The following DTWD2 variants were observed in gnomAD, a reference collection of about 807,000 sequenced individuals.
The protein encoded by DTWD2 is DTW motif tRNA-uridine aminocarboxypropyltransferase 2.
A neutral mutation model predicts 31.8 loss-of-function variants in DTWD2; 39 were observed. That is an observed-to-expected ratio of 1.22 (90% CI 0.95 to 1.60). DTWD2 has a LOEUF of 1.60. Ranked by LOEUF, DTWD2 falls within the 40% of genes most tolerant of loss-of-function variation. DTWD2 has a pLI of 0.00. For missense variants in DTWD2, 515 were observed against 381.5 expected, an observed-to-expected ratio of 1.35 and a Z score of -2.92; for synonymous variants, 180 against 142.8, an observed-to-expected ratio of 1.26 and a Z score of -1.86.
chr5:118,896,947 A>C (rs942849435), intron 4 of DTWD2, among the ~76,000 whole-genome samples: 6 of 152,336 alleles, frequency 3.9e-5, no homozygotes, highest in Non-Finnish European at 8.8e-5. Flanking sequence ...ACCACCAAGT[A>C]ACCTCTATGG....
intron 4 of DTWD2, among the ~76,000 whole-genome samples, chr5:118,856,616 A>G (rs915990637): frequency 1.3e-5 from 2 of 152,156 alleles, no homozygotes; most frequent in African/African-American, 4.8e-5. Context: ...GTTCTGAATA[A>G]GAGTTCCGTC....
intron 4 of DTWD2, among the ~76,000 whole-genome samples, chr5:118,876,582 C>T (rs1203635854): frequency 6.6e-6 from 1 of 152,152 alleles, no homozygotes; most frequent in Non-Finnish European, 1.5e-5. Flanking sequence ...GTACAAACAA[C>T]TATCACAGAG....
intron 4 of DTWD2, among the ~76,000 whole-genome samples, chr5:118,891,251 AT>A (rs564149852): frequency 1.1e-4 from 16 of 149,628 alleles, no homozygotes; most frequent in South Asian, 2.1e-4. Flanking sequence ...AAGGTCAAGT[AT>A]TTTTTTTTTA....
At chr5:118,970,317 C>T (rs1396708412) in intron 1 of DTWD2, among the ~76,000 whole-genome samples, 2 of 152,328 alleles carry the variant, frequency 1.3e-5, no homozygotes, top group East Asian at 1.9e-4. Flanking sequence ...ATTCCAGCTA[C>T]TCAGGAGGCT....
rs372186629 is a variant in DTWD2 at position 118,848,085 on chromosome 5, C to A, written c.726+5G>T. ...TTGAAAAACTATAACCTTACAAAGA[C>A]GTACCTCTTGTATGTAATTATTTTT... On this transcript the variant is annotated splice_donor_5th_base_variant and intron_variant, in intron 5 of 5. Coordinates refer to ENST00000510708, the MANE Select transcript of DTWD2 (RefSeq NM_173666.4). The A allele has an allele frequency of 3.2e-6, 5 of 1,550,406 alleles. No homozygotes were observed. In the Admixed American group the frequency reaches 1.0e-4, roughly 32 times the overall value.
At chr5:118,873,599 C>T (rs1482099318) in intron 4 of DTWD2, among the ~76,000 whole-genome samples, 1 of 152,212 alleles carries the variant, frequency 6.6e-6, no homozygotes, top group East Asian at 1.9e-4. Context: ...TTTACTTGCA[C>T]CACCCACATG....
At chr5:118,846,269 A>G (rs753939347) in intron 5 of DTWD2, among the ~76,000 whole-genome samples, 33 of 152,276 alleles carry the variant, frequency 2.2e-4, no homozygotes, top group Middle Eastern at 3.4e-3. Context: ...GAGCACCAGC[A>G]GAATTAGTAG....
At chr5:118,962,185 C>G (rs562683861) in intron 1 of DTWD2, among the ~76,000 whole-genome samples, 1 of 152,106 alleles carries the variant, frequency 6.6e-6, no homozygotes, top group East Asian at 1.9e-4. Flanking sequence ...TTGTGGTGAG[C>G]CGAGATCACG....
At chr5:118,938,867 T>C (rs1219099658) in intron 3 of DTWD2, among the ~76,000 whole-genome samples, 1 of 137,802 alleles carries the variant, frequency 7.3e-6, no homozygotes, top group Non-Finnish European at 1.5e-5. Context: ...AAAAGAACCC[T>C]ACCATCTACC....
At chr5:118,909,073 A>T (rs1485682784) in intron 4 of DTWD2, among the ~76,000 whole-genome samples, 3 of 152,206 alleles carry the variant, frequency 2.0e-5, no homozygotes, top group African/African-American at 7.2e-5. Flanking sequence ...AAGAGAAAAG[A>T]TTAAGGTAAG....
intron 4 of DTWD2, among the ~76,000 whole-genome samples, chr5:118,912,077 G>A (rs917901736): frequency 6.6e-6 from 1 of 152,168 alleles, no homozygotes; most frequent in Non-Finnish European, 1.5e-5. Context: ...ATCCATCAGA[G>A]GGGCACTGTT....
chr5:118,913,047 C>G (rs1261028602), intron 4 of DTWD2, among the ~76,000 whole-genome samples: 1 of 152,196 alleles, frequency 6.6e-6, no homozygotes, highest in Admixed American at 6.5e-5. Flanking sequence ...AATTAACCCA[C>G]TTATGCCTAG....
At chr5:118,948,158 A>C (rs1205050408) in intron 1 of DTWD2, among the ~76,000 whole-genome samples, 3 of 152,132 alleles carry the variant, frequency 2.0e-5, no homozygotes, top group Non-Finnish European at 4.4e-5. Flanking sequence ...AGTGGCGATT[A>C]AGCCTGGTGG....
At chr5:118,915,436 G>T (rs572225806) in intron 4 of DTWD2, among the ~76,000 whole-genome samples, 1 of 149,356 alleles carries the variant, frequency 6.7e-6, no homozygotes, top group Non-Finnish European at 1.5e-5. Context: ...GTGCAGTGGC[G>T]CAATCTCGGC....
intron 4 of DTWD2, among the ~76,000 whole-genome samples, chr5:118,875,563 GAAAAAAA>G (rs34990814): frequency 6.7e-5 from 3 of 44,554 alleles, no homozygotes; most frequent in Non-Finnish European, 9.2e-5. Flanking sequence ...CCTAGTTTCT[GAAAAAAA>G]AAAAAAAAAA....
chr5:118,950,699 G>C (rs1209008124), intron 1 of DTWD2, among the ~76,000 whole-genome samples: 1 of 152,234 alleles, frequency 6.6e-6, no homozygotes, highest in African/African-American at 2.4e-5. Flanking sequence ...AGGTCCTGAA[G>C]GAATGCCTGA....
chr5:118,968,292 A>G (rs1754899504), intron 1 of DTWD2, among the ~76,000 whole-genome samples: 1 of 152,212 alleles, frequency 6.6e-6, no homozygotes, highest in African/African-American at 2.4e-5. Flanking sequence ...TGAGTTAGAT[A>G]CTGAACCAGA....
intron 4 of DTWD2, among the ~76,000 whole-genome samples, chr5:118,912,455 A>G (rs1378314360): frequency 6.6e-6 from 1 of 152,180 alleles, no homozygotes; most frequent in Non-Finnish European, 1.5e-5. Context: ...CTACAAACCT[A>G]TCTTGACCCA....
chr5:118,916,068 T>C (rs970203106), intron 4 of DTWD2, among the ~76,000 whole-genome samples: 1 of 152,134 alleles, frequency 6.6e-6, no homozygotes, highest in Non-Finnish European at 1.5e-5. Context: ...AGCCACTCAC[T>C]CACATTTCAG....
Sources: gnomAD v4.1 joint callset for allele counts (sites outside exome capture counted in the v4.1 genomes callset) on GRCh38, gnomAD v4.1.1 for gene constraint, MANE v1.5 for transcripts, NCBI Gene and HGNC (gene_info 2026-07-23, HGNC 2026-07-21) for gene names.